Variants in PIKFYVE observed in about 807,000 individuals in gnomAD.
PIKFYVE encodes the protein phosphoinositide kinase, FYVE-type zinc finger containing.
PIKFYVE carries 122 observed loss-of-function variants against 257.9 expected under a neutral mutation model. The ratio of observed to expected loss-of-function variants is 0.47; its 90% confidence interval spans 0.41 to 0.55. The LOEUF is 0.55. Among genes scored for constraint, PIKFYVE ranks in the 20% least tolerant of loss-of-function variants. The pLI is 0.00. For missense variants in PIKFYVE, 2,160 were observed against 2,536.6 expected (o/e 0.85, Z 3.19); for synonymous variants, 892 against 868.9 (o/e 1.03, Z -0.47).
rs199642033 is a variant in PIKFYVE at position 208,273,589 on chromosome 2, G to A, written c.178G>A (p.Ala60Thr). The A allele has an allele frequency of 1.9e-4, 308 of 1,614,202 alleles. No homozygotes were observed. Among genetic ancestry groups the A allele is most frequent in the Middle Eastern group, 3.3e-4 (2 of 6,062 alleles). ...VNLFRFNKER[A>T]EGGQGEQQPL... ...CAAGCGTTCCCTTGCTACAGAGAGAGCAGAAGGAGGCCAGGGAGAACAGCA... is the reference window on the plus strand; with the variant it reads ...CAAGCGTTCCCTTGCTACAGAGAGAACAGAAGGAGGCCAGGGAGAACAGCA... Residue 60 changes from alanine to threonine, a missense_variant, in exon 3 of 42, where the codon GCA becomes ACA. Around this residue, in one of 12 missense-constraint regions of PIKFYVE, gnomAD observed 172 missense variants for 180.6 expected, o/e 0.95. Transcript: ENST00000264380.
In PIKFYVE at chr2:208,277,719, T is replaced by TA. The variant is rs1249699978; in HGVS notation, c.613+11_613+12insA. The TA allele has an allele frequency of 6.2e-7, 1 of 1,612,956 alleles. No homozygotes were observed. Among genetic ancestry groups the TA allele is most frequent in the South Asian group, 1.1e-5 (1 of 91,054 alleles). On this transcript the variant is annotated intron_variant, in intron 5 of 41. Transcript: ENST00000264380. ...TTATGGGCTATACAGGTAAATGCAT[T>TA]TTATTGCCAGTTTACAATTTTTAAA...
intron 31 of PIKFYVE, 108 bp downstream of exon 31, chr2:208,340,239 T>C (rs1248831005): frequency 1.7e-5 from 23 of 1,357,126 alleles, no homozygotes; most frequent in Non-Finnish European, 2.4e-5. Flanking sequence ...CAATCCTAAA[T>C]TTTATTTCAT....
At position 208,317,938 on chromosome 2, in the gene PIKFYVE, A is replaced by G; in HGVS notation, c.2079A>G (p.Lys693=). 1 of 1,613,446 alleles carries G rather than the reference A, an allele frequency of 6.2e-7. No individual in the cohort carries two copies. The highest frequency in any genetic ancestry group is 1.3e-5 in the African/African-American group (1 of 75,050). ...TTTGTACCAAGAACATTGCACATAA[A>G]AAGGTAATGTGATTCAGTTCAGCAG... ...GFVCTKNIAH[K]KMSSCIKNPK... is the part of the protein sequence containing the mutation. Residue 693 remains lysine (K), a synonymous_variant, in exon 16 of 42, where the codon AAA becomes AAG. Coordinates refer to ENST00000264380, the MANE Select transcript of PIKFYVE (RefSeq NM_015040.4).
At chr2:208,317,228 T>G (rs952695939) in intron 15 of PIKFYVE, among the ~76,000 whole-genome samples, 1 of 151,824 alleles carries the variant, frequency 6.6e-6, no homozygotes, top group African/African-American at 2.4e-5. Flanking sequence ...TTTCGCAACC[T>G]ACTCATCTGA....
intron 17 of PIKFYVE, among the ~76,000 whole-genome samples, chr2:208,321,469 A>T (rs907881941): frequency 4.6e-5 from 7 of 152,194 alleles, no homozygotes; most frequent in Non-Finnish European, 1.0e-4. Context: ...TCTCTTTGGA[A>T]TTCAGCTGTG....
chr2:208,319,585 C>T (rs1259088545), intron 16 of PIKFYVE, among the ~76,000 whole-genome samples: 1 of 152,158 alleles, frequency 6.6e-6, no homozygotes, highest in East Asian at 1.9e-4. Context: ...AGTTTCCCAG[C>T]TGGTGAGTCA....
At chr2:208,289,919 G>C (rs1333343611) in intron 7 of PIKFYVE, among the ~76,000 whole-genome samples, 1 of 152,116 alleles carries the variant, frequency 6.6e-6, no homozygotes, top group Non-Finnish European at 1.5e-5. Context: ...AACCATCTGA[G>C]AGTAAGTTGC....
At chr2:208,287,415 A>G (rs1691723795) in intron 6 of PIKFYVE, among the ~76,000 whole-genome samples, 2 of 151,710 alleles carry the variant, frequency 1.3e-5, no homozygotes, top group African/African-American at 4.8e-5. Context: ...CTGGACTTAC[A>G]GGTGCCCACC....
intron 16 of PIKFYVE, 100 bp downstream of exon 16, chr2:208,318,041 C>G: frequency 1.6e-6 from 2 of 1,216,774 alleles, no homozygotes; most frequent in Non-Finnish European, 2.4e-6. Flanking sequence ...GGACAATGGA[C>G]AATGAAAGGC....
rs758679199 is a variant in PIKFYVE, at chr2:208,302,252, A to G, written c.1219A>G (p.Ile407Val). The change falls in exon 10 of 42, where the codon ATA (isoleucine) becomes GTA (valine). Residue 407 changes from isoleucine to valine, a missense_variant. By Grantham distance (29) the Ile-to-Val change is conservative (BLOSUM62 3). Transcript: ENST00000264380. ...NGHIATRAQA[I>V]AIGQAMVDGR... ...TGGGTCTTGATTCAGGGCACAAGCT[A>G]TAGCAATTGGACAAGCAATGGTTGA... The G allele has an allele frequency of 1.7e-5, 27 of 1,613,994 alleles. No homozygotes were observed. The highest frequency in any genetic ancestry group is 1.6e-4 in the Middle Eastern group (1 of 6,084).
intron 23 of PIKFYVE, among the ~76,000 whole-genome samples, chr2:208,331,814 A>G (rs1175152452): frequency 1.3e-5 from 2 of 152,240 alleles, no homozygotes; most frequent in African/African-American, 4.8e-5. Flanking sequence ...ATACAGACAT[A>G]AAATTATTTC....
At chr2:208,348,652 G>A (rs564896093) in intron 35 of PIKFYVE, among the ~76,000 whole-genome samples, 3 of 143,962 alleles carry the variant, frequency 2.1e-5, no homozygotes, top group Non-Finnish European at 4.6e-5. Context: ...ACCTCATTGT[G>A]TTTGGGTATG....
In PIKFYVE at chr2:208,355,373, C is replaced by A; in HGVS notation, c.*68C>A. ...ACAGGAACAAAGGACCAAAAATAAG[C>A]TACATGTTTTATTTCTTCATCGTGT... On this transcript the variant is annotated 3_prime_UTR_variant, in exon 42 of 42. Transcript: ENST00000264380. The A allele has an allele frequency of 8.0e-7, 1 of 1,252,710 alleles. No homozygotes were observed. Among genetic ancestry groups the A allele is most frequent in the Non-Finnish European group, 1.2e-6 (1 of 859,994 alleles). 77.6% of individuals were successfully genotyped at this position (1,252,710 alleles called of 1,614,324 possible).
chr2:208,317,506 C>T (rs994310103), intron 15 of PIKFYVE, among the ~76,000 whole-genome samples: 7 of 151,934 alleles, frequency 4.6e-5, no homozygotes, highest in Non-Finnish European at 7.4e-5. Flanking sequence ...CCAGTGAGGC[C>T]CAGGGAAGTC....
intron 1 of PIKFYVE, among the ~76,000 whole-genome samples, chr2:208,267,113 G>GTATC (rs1688737777): frequency 6.6e-6 from 1 of 152,218 alleles, no homozygotes; most frequent in Admixed American, 6.5e-5. Flanking sequence ...TTATTCGTGT[G>GTATC]TATCTGATGT....
At chr2:208,350,127 C>T (rs1316567818) in intron 36 of PIKFYVE, 44 bp downstream of exon 36, 1 of 1,605,050 alleles carries the variant, frequency 6.2e-7, no homozygotes, top group Middle Eastern at 1.7e-4. Context: ...AGAGGGACTA[C>T]AGTTGAGCCA....
intron 21 of PIKFYVE, among the ~76,000 whole-genome samples, chr2:208,329,526 A>G (rs1414777664): frequency 6.6e-6 from 1 of 152,248 alleles, no homozygotes; most frequent in East Asian, 1.9e-4. Context: ...CCTTGTGCTG[A>G]CAGGGCTTAA....
rs1696067330 is a variant in PIKFYVE, at chr2:208,320,327, A to G, written c.2158A>G (p.Lys720Glu). The change falls in exon 17 of 42, where the codon AAG becomes GAG. Residue 720 changes from lysine (K) to glutamate (E), a missense_variant. Lys to Glu is a moderately conservative substitution (Grantham distance 56). Around this residue, in one of 12 missense-constraint regions of PIKFYVE, gnomAD observed 346 missense variants for 365.6 expected, o/e 0.95. Coordinates refer to ENST00000264380, the MANE Select transcript of PIKFYVE (RefSeq NM_015040.4). ...SIEYLYREET[K>E]FTCIDPIVLQ... The stretch of plus-strand genomic sequence containing the variant: ...TGAGTATCTCTACAGAGAAGAAACT[A>G]AGTTTACTTGCATTGATCCTATTGT... 1.2e-6 allele frequency: 2 copies of G among 1,612,280 alleles called. No individual in the cohort carries two copies. The highest frequency in any genetic ancestry group is 1.1e-5 in the South Asian group (1 of 91,024).
At chr2:208,267,889 C>T (rs1192408960) in intron 1 of PIKFYVE, among the ~76,000 whole-genome samples, 5 of 152,206 alleles carry the variant, frequency 3.3e-5, no homozygotes, top group African/African-American at 1.2e-4. Flanking sequence ...AGGGATTCTC[C>T]TGCCTCGGCC....
Sources: allele counts gnomAD v4.1 joint callset (sites outside exome capture counted in the v4.1 genomes callset), GRCh38; gene constraint gnomAD v4.1.1; regional missense constraint gnomAD v4.1.1; transcripts MANE v1.5; gene names NCBI Gene and HGNC (gene_info 2026-07-23, HGNC 2026-07-21).